The following ACSL1 variants were observed in gnomAD, a reference collection of about 807,000 sequenced individuals.
The protein encoded by ACSL1 is acyl-CoA synthetase long chain family member 1.
In ACSL1, 41 loss-of-function variants were observed where a neutral mutation model predicts 98.4. That is an observed-to-expected ratio of 0.42 (90% CI 0.32 to 0.54). The LOEUF is 0.54. Ranked by LOEUF, ACSL1 falls within the 20% of genes least tolerant of loss-of-function variation. The pLI is 0.13. For synonymous variants in ACSL1, 316 were observed against 322.7 expected (o/e 0.98, Z 0.22); for missense variants, 734 against 883.1 (o/e 0.83, Z 2.14).
chr4:184,768,098 G>A, intron 12 of ACSL1: 1 of 512,472 alleles, frequency 2.0e-6, no homozygotes, highest in Non-Finnish European at 3.3e-6. Context: ...TGTGACCATG[G>A]TTTACAAAGT....
At position 184,764,910 on chromosome 4, in the gene ACSL1, C is replaced by T. The variant is rs775407611; in HGVS notation, c.1375G>A (p.Gly459Arg). 2 of 1,613,880 alleles carry T rather than the reference C, an allele frequency of 1.2e-6. No homozygotes were observed. Among genetic ancestry groups the T allele is most frequent in the Admixed American group, 1.7e-5 (1 of 59,986 alleles). The change falls in exon 15 of 21, where the codon GGA (glycine) becomes AGA (arginine). Residue 459 changes from glycine to arginine, a missense_variant. Transcript: ENST00000281455. ...CACCCGGCAGTGCACTCTGTCTGTCCGTATCCTTCATAAAACTGGGGCACC... is the reference window on the plus strand; with the variant it reads ...CACCCGGCAGTGCACTCTGTCTGTCTGTATCCTTCATAAAACTGGGGCACC... ...ALGCQFYEGY[G>R]QTECTAGCCL... is the part of the protein sequence containing the mutation.
chr4:184,823,951 T>G (rs1405438773), intron 1 of ACSL1, among the ~76,000 whole-genome samples: 2 of 152,196 alleles, frequency 1.3e-5, no homozygotes, highest in African/African-American at 4.8e-5. Context: ...AATAGATACC[T>G]AACCCTACAT....
At chr4:184,777,941 T>C (rs1765570104) in intron 5 of ACSL1, among the ~76,000 whole-genome samples, 1 of 152,180 alleles carries the variant, frequency 6.6e-6, no homozygotes, top group African/African-American at 2.4e-5. Context: ...AAACAGCGGC[T>C]GTGGGGCTCA....
At position 184,757,741 on chromosome 4, in the gene ACSL1, T is replaced by C. The variant is rs767537444; in HGVS notation, c.1885-35A>G. On this transcript the variant is annotated intron_variant, in intron 19 of 20. Coordinates refer to ENST00000281455, the MANE Select transcript of ACSL1 (RefSeq NM_001995.5). This position sits in a 1 kb window ranked among gnomAD's most constrained non-coding sequence, Gnocchi z 4.5. ...TAAGAAAAATAAATTACTTCCTCTG[T>C]TAGAGGTCCCTGAATATCTACAGGT... The C allele has an allele frequency of 6.2e-7, 1 of 1,611,272 alleles. No homozygotes were observed. Among genetic ancestry groups the C allele is most frequent in the African/African-American group, 1.3e-5 (1 of 74,956 alleles).
intron 5 of ACSL1, among the ~76,000 whole-genome samples, chr4:184,778,502 G>A (rs546554221): frequency 1.3e-5 from 2 of 152,038 alleles, no homozygotes; most frequent in East Asian, 1.9e-4. Flanking sequence ...TGGCCTCCCC[G>A]CCCCTATTTC....
chr4:184,787,597 C>T (rs1767611411), intron 3 of ACSL1, among the ~76,000 whole-genome samples: 1 of 152,148 alleles, frequency 6.6e-6, no homozygotes, highest in Non-Finnish European at 1.5e-5. Context: ...GGCATGGTGA[C>T]TCGCGCCTGT....
At chr4:184,813,488 C>T (rs1428525344) in intron 1 of ACSL1, 3 of 163,898 alleles carry the variant, frequency 1.8e-5, no homozygotes, top group Non-Finnish European at 4.1e-5. Context: ...CTTGTGTAGA[C>T]TAAACTTCTC....
In ACSL1 at chr4:184,766,972, C is replaced by G. The variant is rs1763706658; in HGVS notation, c.1129-216G>C. ...CCAGGAGCAATGGACACATACATCC[C>G]CAAATGCCCATCGAGTAGGAATGTG... On this transcript the variant is annotated intron_variant, in intron 12 of 20. Transcript: ENST00000281455. This position sits in a 1 kb window ranked among gnomAD's most constrained non-coding sequence, Gnocchi z 4.8. Among the ~76,000 whole-genome samples the G allele has an allele frequency of 6.6e-6, 1 of 152,126 alleles. No homozygotes were observed. The highest frequency in any genetic ancestry group is 1.5e-5 in the Non-Finnish European group (1 of 68,006).
At chr4:184,796,143 G>C (rs965811293) in intron 2 of ACSL1, among the ~76,000 whole-genome samples, 2 of 152,206 alleles carry the variant, frequency 1.3e-5, no homozygotes, top group South Asian at 4.1e-4. Context: ...AGCAGGCAGA[G>C]GAATTTGAAA....
chr4:184,819,965 A>G (rs761133889), intron 1 of ACSL1, among the ~76,000 whole-genome samples: 2 of 152,190 alleles, frequency 1.3e-5, no homozygotes, highest in Non-Finnish European at 2.9e-5. Context: ...GGTCAGAATA[A>G]GCAGAACTGC....
chr4:184,773,285 T>C lies in ACSL1; in HGVS notation c.842-131A>G. On this transcript the variant is annotated intron_variant, in intron 9 of 20. Coordinates refer to ENST00000281455, the MANE Select transcript of ACSL1 (RefSeq NM_001995.5). The surrounding 1 kb of genome is among the most constrained non-coding windows in gnomAD (Gnocchi z 4.3). The stretch of plus-strand genomic sequence containing the variant: ...ATCGTGAAAACCAAATGTTGAACAC[T>C]AAATTCCTAAGCAACCTGCAATCCT... 1 of 772,742 alleles carries C rather than the reference T, an allele frequency of 1.3e-6. No individual in the cohort carries two copies. The highest frequency in any genetic ancestry group is 2.7e-5 in the East Asian group (1 of 37,530). 47.9% of individuals were successfully genotyped at this position (772,742 alleles called of 1,614,324 possible).
chr4:184,818,203 G>A (rs1054722510), intron 1 of ACSL1, among the ~76,000 whole-genome samples: 1 of 152,152 alleles, frequency 6.6e-6, no homozygotes, highest in Non-Finnish European at 1.5e-5. Flanking sequence ...GGAACAATGA[G>A]CCATTTGACC....
At chr4:184,760,324 T>C (rs1483149896) in intron 18 of ACSL1, 33 bp downstream of exon 18, 6 of 1,612,046 alleles carry the variant, frequency 3.7e-6, no homozygotes, top group Non-Finnish European at 5.1e-6. Context: ...GCAATGTGTA[T>C]GCAGCAAGAT....
chr4:184,805,647 G>C (rs1441603651), intron 1 of ACSL1: 1 of 326,724 alleles, frequency 3.1e-6, no homozygotes, highest in East Asian at 1.7e-4. Context: ...AGCCTACCAA[G>C]GTCTCTCAGG....
intron 1 of ACSL1, among the ~76,000 whole-genome samples, chr4:184,810,676 C>T (rs1168587005): frequency 6.6e-6 from 1 of 152,104 alleles, no homozygotes; most frequent in African/African-American, 2.4e-5. Context: ...GACCTCAGGG[C>T]TCGCACTTTC....
intron 2 of ACSL1, among the ~76,000 whole-genome samples, chr4:184,797,007 A>G (rs970645247): frequency 5.3e-5 from 8 of 152,188 alleles, no homozygotes; most frequent in Non-Finnish European, 1.0e-4. Context: ...GGCTGGTGTC[A>G]GTGAGGGCGA....
At position 184,766,601 on chromosome 4, in the gene ACSL1, T is replaced by C; in HGVS notation, c.1263+21A>G. On this transcript the variant is annotated intron_variant, in intron 13 of 20. Transcript: ENST00000281455. This position sits in a 1 kb window ranked among gnomAD's most constrained non-coding sequence, Gnocchi z 4.8. ...GCGAAGTCGGTTTCCATGGGAGCAG[T>C]GGCTGTGAGTCACGTGTTACCTGTA... 1.2e-6 allele frequency: 2 copies of C among 1,605,930 alleles called. No individual in the cohort carries two copies. Among genetic ancestry groups the C allele is most frequent in the Non-Finnish European group, 1.7e-6 (2 of 1,173,748 alleles).
chr4:184,786,488 C>A (rs997911897), intron 3 of ACSL1, among the ~76,000 whole-genome samples: 1 of 151,714 alleles, frequency 6.6e-6, no homozygotes, highest in Non-Finnish European at 1.5e-5. Flanking sequence ...TTAGGCTGAT[C>A]CACCTGATGG....
In ACSL1 at chr4:184,773,063, G is replaced by C. The variant is rs755523028; in HGVS notation, c.915+18C>G. ...ATGTCAATCAATGAGGAAAGATGAC[G>C]ACATCCCAAAAAGTTACCTCTGTTG... is the stretch of plus-strand genomic sequence containing the variant. On this transcript the variant is annotated intron_variant, in intron 10 of 20. Coordinates refer to ENST00000281455, the MANE Select transcript of ACSL1 (RefSeq NM_001995.5). The surrounding 1 kb of genome is among the most constrained non-coding windows in gnomAD (Gnocchi z 4.3). The C allele has an allele frequency of 1.2e-6, 2 of 1,609,608 alleles. No individual in the cohort carries two copies. The highest frequency in any genetic ancestry group is 1.7e-6 in the Non-Finnish European group (2 of 1,176,068).
Sources: gnomAD v4.1 joint callset for allele counts (sites outside exome capture counted in the v4.1 genomes callset) on GRCh38, gnomAD v4.1.1 for gene constraint, Gnocchi (gnomAD v3.1) non-coding constraint, MANE v1.5 for transcripts, NCBI Gene and HGNC (gene_info 2026-07-23, HGNC 2026-07-21) for gene names.